Variants in LRRTM4 observed in about 807,000 individuals in gnomAD.
LRRTM4 encodes the protein leucine-rich repeat transmembrane neuronal protein 4.
Under a neutral mutation model 47.6 loss-of-function variants are expected in LRRTM4, and 25 were observed. That is an observed-to-expected ratio of 0.53 (90% confidence interval 0.38 to 0.73). The LOEUF is 0.73. Among genes scored for constraint, LRRTM4 ranks in the 30% least tolerant of loss-of-function variants. The pLI is 0.00. For synonymous variants in LRRTM4, 311 were observed against 269.5 expected, an observed-to-expected ratio of 1.15 and a Z score of -1.51; for missense variants, 638 against 713.4, an observed-to-expected ratio of 0.89 and a Z score of 1.20.
chr2:77,023,349 T>C (rs1678341138), intron 3 of LRRTM4, among the ~76,000 whole-genome samples: 1 of 152,182 alleles, frequency 6.6e-6, no homozygotes, highest in Non-Finnish European at 1.5e-5. Flanking sequence ...CCTGGAGACA[T>C]TTTTCCCATT....
chr2:77,097,850 A>G (rs1431180861), intron 3 of LRRTM4, among the ~76,000 whole-genome samples: 1 of 151,966 alleles, frequency 6.6e-6, no homozygotes, highest in African/African-American at 2.4e-5. Flanking sequence ...CATAGAAAAC[A>G]AGGCACAATA....
At chr2:76,936,605 A>C (rs1674958959) in intron 3 of LRRTM4, among the ~76,000 whole-genome samples, 1 of 150,926 alleles carries the variant, frequency 6.6e-6, no homozygotes, top group Non-Finnish European at 1.5e-5. Flanking sequence ...AAAAAAAGAA[A>C]GAAAAAGAAA....
chr2:76,944,659 G>T (rs17013382), intron 3 of LRRTM4, among the ~76,000 whole-genome samples: 8,009 of 152,000 alleles, frequency 0.053, 486 homozygotes, highest in East Asian at 0.14. Context: ...TTTAAAACTC[G>T]TCTGCTCTCT....
At chr2:77,112,418 G>A (rs1194819526) in intron 3 of LRRTM4, among the ~76,000 whole-genome samples, 2 of 152,118 alleles carry the variant, frequency 1.3e-5, no homozygotes, top group Non-Finnish European at 2.9e-5. Context: ...TCTTTAAAAT[G>A]ACCATTTTAA....
intron 3 of LRRTM4, among the ~76,000 whole-genome samples, chr2:76,908,611 A>C (rs1330633394): frequency 3.9e-5 from 6 of 152,130 alleles, no homozygotes; most frequent in Non-Finnish European, 4.4e-5. Flanking sequence ...CTCAGCCCAA[A>C]ATCTCCTTAA....
At position 77,360,445 on chromosome 2, in the gene LRRTM4, G is replaced by A. The variant is rs190676707; in HGVS notation, c.1551+157873C>T. On this transcript the variant is annotated intron_variant, in intron 3 of 3. Coordinates refer to ENST00000409884, the MANE Select transcript of LRRTM4 (RefSeq NM_001134745.3). ...TGCACTGTAGCCTGGGCGGCAGAGC[G>A]AGACTCCATCTCAAAAAATACAATA... Among the ~76,000 whole-genome samples, 444 of 151,250 alleles carry A rather than the reference G, an allele frequency of 2.9e-3. 4 individuals are homozygous for A. Among genetic ancestry groups the A allele is most frequent in the African/African-American group, 0.01 (431 of 41,086 alleles).
chr2:77,181,484 C>T (rs1048241506), intron 3 of LRRTM4, among the ~76,000 whole-genome samples: 3 of 152,108 alleles, frequency 2.0e-5, no homozygotes, highest in Non-Finnish European at 2.9e-5. Context: ...AGGAAGGACA[C>T]TGGTACCCTT....
In LRRTM4 at chr2:77,313,290, A is replaced by ACCTTTTCCTGGG. The variant is rs1558683423; in HGVS notation, c.1551+205027_1551+205028insCCCAGGAAAAGG. On this transcript the variant is annotated intron_variant, in intron 3 of 3. Coordinates refer to ENST00000409884, the MANE Select transcript of LRRTM4 (RefSeq NM_001134745.3). The stretch of plus-strand genomic sequence containing the variant: ...GCCTGTTGCTGGGATGTGCCCCCCT[A>ACCTTTTCCTGGG]ACTTTTCCTGGGACCTGGTGCTGGG... Among the ~76,000 whole-genome samples the ACCTTTTCCTGGG allele has an allele frequency of 2.2e-3, 323 of 148,482 alleles. 5 individuals carry two copies. Among genetic ancestry groups the ACCTTTTCCTGGG allele is most frequent in the African/African-American group, 3.9e-3 (157 of 39,940 alleles).
intron 3 of LRRTM4, among the ~76,000 whole-genome samples, chr2:77,274,124 GT>G (rs1348638326): frequency 6.6e-6 from 1 of 151,728 alleles, no homozygotes; most frequent in Non-Finnish European, 1.5e-5. Flanking sequence ...TGCTTTCTCT[GT>G]CTCTCATATA....
intron 3 of LRRTM4, among the ~76,000 whole-genome samples, chr2:77,227,877 G>C (rs938066987): frequency 6.6e-6 from 1 of 151,834 alleles, no homozygotes; most frequent in Non-Finnish European, 1.5e-5. Flanking sequence ...TTTTTCTTAT[G>C]CATATGTCTA....
In LRRTM4 at chr2:77,043,902, G is replaced by A. The variant is rs558228042; in HGVS notation, c.1552-294986C>T. 8.1e-5 allele frequency among the ~76,000 whole-genome samples: 12 copies of A among 148,940 alleles called. No homozygotes were observed. The East Asian group carries it at 2.5e-3, about 31-fold the overall frequency. The stretch of plus-strand genomic sequence containing the variant: ...TGGTCATTTTTGCAGCCCATAAACA[G>A]GTAAAAACATTTTTTTTTTTACCCA... On this transcript the variant is annotated intron_variant, in intron 3 of 3. Transcript: ENST00000409884.
intron 3 of LRRTM4, among the ~76,000 whole-genome samples, chr2:76,831,870 G>T (rs550492885): frequency 6.6e-6 from 1 of 152,088 alleles, no homozygotes; most frequent in Non-Finnish European, 1.5e-5. Context: ...TATATTTGAC[G>T]CAATGTAGTG....
At chr2:77,111,128 G>A (rs986006385) in intron 3 of LRRTM4, among the ~76,000 whole-genome samples, 3 of 151,958 alleles carry the variant, frequency 2.0e-5, no homozygotes, top group Admixed American at 2.0e-4. Flanking sequence ...GTTTTGTTTT[G>A]AGATGGAGTC....
intron 3 of LRRTM4, among the ~76,000 whole-genome samples, chr2:76,850,127 A>C (rs528994296): frequency 1.3e-5 from 2 of 152,290 alleles, no homozygotes; most frequent in South Asian, 2.1e-4. Context: ...TTTGTGTCTC[A>C]GAATTTTTCA....
chr2:77,009,831 A>T (rs1677801122), intron 3 of LRRTM4: 1 of 152,064 alleles, frequency 6.6e-6, no homozygotes, highest in South Asian at 2.1e-4. Context: ...TTTGAAGAAT[A>T]AACGGTCATT....
intron 3 of LRRTM4, among the ~76,000 whole-genome samples, chr2:76,924,916 C>G (rs556955894): frequency 0.012 from 1,794 of 152,156 alleles, 42 homozygotes; most frequent in African/African-American, 0.041. Flanking sequence ...AACTTTAAAG[C>G]CGGAACCCTT....
rs762278245 is a variant in LRRTM4 at position 77,200,017 on chromosome 2, G to A, written c.1551+318301C>T. On this transcript the variant is annotated intron_variant, in intron 3 of 3. Transcript: ENST00000409884. Reference sequence around the variant, plus strand: ...ATCTTCAATTTTATAAATCAAACGTGTGGGGAATACTAGATTAAACAAAGT... The same window carrying A: ...ATCTTCAATTTTATAAATCAAACGTATGGGGAATACTAGATTAAACAAAGT... Among the ~76,000 whole-genome samples, 157 of 151,894 alleles carry A rather than the reference G, an allele frequency of 1.0e-3. 1 individual carries two copies. Among genetic ancestry groups the A allele is most frequent in the Non-Finnish European group, 3.4e-4 (23 of 67,982 alleles).
chr2:77,003,756 G>A (rs1387303805), intron 3 of LRRTM4, among the ~76,000 whole-genome samples: 1 of 152,160 alleles, frequency 6.6e-6, no homozygotes, highest in East Asian at 1.9e-4. Flanking sequence ...AAATGTGGAA[G>A]CAACTTTGGA....
Position 76,891,248 on chromosome 2 carries a change from G to C in LRRTM4, c.1552-142332C>G, listed in dbSNP as rs141003017. On this transcript the variant is annotated intron_variant, in intron 3 of 3. Transcript: ENST00000409884. ...AAAAATCTTTAGTTAATTATAATAA[G>C]AGGAGAGGTTCTCAAGGAAATTTAG... Among the ~76,000 whole-genome samples, 642 of 151,912 alleles carry C rather than the reference G, an allele frequency of 4.2e-3. 9 individuals carry two copies. Among genetic ancestry groups the C allele is most frequent in the African/African-American group, 0.015 (609 of 41,472 alleles).
Sources: gnomAD v4.1 joint callset for allele counts (sites outside exome capture counted in the v4.1 genomes callset) on GRCh38, gnomAD v4.1.1 for gene constraint, MANE v1.5 for transcripts, NCBI Gene and HGNC (gene_info 2026-07-23, HGNC 2026-07-21) for gene names.